The following KIRREL3 variants were observed in gnomAD, a reference collection of about 807,000 sequenced individuals.
The protein encoded by KIRREL3 is kin of IRRE-like protein 3.
KIRREL3 carries 36 observed loss-of-function variants against 89.7 expected under a neutral mutation model. That is an observed-to-expected ratio of 0.40 (90% CI 0.31 to 0.53). The LOEUF (loss-of-function observed/expected upper bound fraction) is 0.53. Among genes scored for constraint, KIRREL3 ranks in the 20% least tolerant of loss-of-function variants. The pLI is 0.49. For missense variants in KIRREL3, 864 were observed against 1,056.6 expected (o/e 0.82, Z 2.53); for synonymous variants, 445 against 441.4 (o/e 1.01, Z -0.10).
chr11:126,536,642 C>CTTTTTTTTTTTTTTTTTTTTTTT (rs145142970), intron 2 of KIRREL3, among the ~76,000 whole-genome samples: 1 of 77,166 alleles, frequency 1.3e-5, no homozygotes, highest in Non-Finnish European at 2.3e-5. Flanking sequence ...CTGGGCAATG[C>CTTTTTTTTTTTTTTTTTTTTTTT]TTTTTTTTTT....
rs1454578716 is a variant in KIRREL3 at position 126,687,663 on chromosome 11, CAA to C, written c.56-124753_56-124752del. Among the ~76,000 whole-genome samples, 1 of 152,198 alleles carries C rather than the reference CAA, an allele frequency of 6.6e-6. No homozygotes were observed. Among genetic ancestry groups the C allele is most frequent in the Non-Finnish European group, 1.5e-5 (1 of 68,032 alleles). ...TATTTTTCCCCATTGCTTCATTCAA[CAA>C]ATTTACATTGCACTCTCCTACATGC... On this transcript the variant is annotated intron_variant, in intron 1 of 16. Coordinates refer to ENST00000525144, the MANE Select transcript of KIRREL3 (RefSeq NM_032531.4). The surrounding 1 kb of genome is among the most constrained non-coding windows in gnomAD (Gnocchi z 4.6).
chr11:126,448,445 C>T (rs559951492), intron 8 of KIRREL3, among the ~76,000 whole-genome samples: 109 of 152,296 alleles, frequency 7.2e-4, no homozygotes, highest in African/African-American at 2.6e-3. Context: ...TCCATCTCCT[C>T]ATTCAGATGA....
At position 126,551,606 on chromosome 11, in the gene KIRREL3, G is replaced by A. The variant is rs746482749; in HGVS notation, c.133+11229C>T. Among the ~76,000 whole-genome samples the A allele has an allele frequency of 1.3e-5, 2 of 151,144 alleles. No individual in the cohort carries two copies. The highest frequency in any genetic ancestry group is 2.4e-5 in the African/African-American group (1 of 41,026). On this transcript the variant is annotated intron_variant, in intron 2 of 16. Coordinates refer to ENST00000525144, the MANE Select transcript of KIRREL3 (RefSeq NM_032531.4). This position sits in a 1 kb window ranked among gnomAD's most constrained non-coding sequence, Gnocchi z 4.9. Reference sequence around the variant, plus strand: ...CATTTAACAATTAGTCCAGTGCACTGTATTGCATGAATGTCTCCCAGGGTG... The same window carrying A: ...CATTTAACAATTAGTCCAGTGCACTATATTGCATGAATGTCTCCCAGGGTG...
Position 126,569,363 on chromosome 11 carries a change from G to T in KIRREL3, c.56-6451C>A, listed in dbSNP as rs1020039740. ...GACCTCAGAGGGTAAACATTTTGTT[G>T]GGGGAAACAGCAGTTGGATCCTGTG... On this transcript the variant is annotated intron_variant, in intron 1 of 16. Coordinates refer to ENST00000525144, the MANE Select transcript of KIRREL3 (RefSeq NM_032531.4). The surrounding 1 kb of genome is among the most constrained non-coding windows in gnomAD (Gnocchi z 6.5). Among the ~76,000 whole-genome samples, 1 of 152,120 alleles carries T rather than the reference G, an allele frequency of 6.6e-6. No individual in the cohort carries two copies. Among genetic ancestry groups the T allele is most frequent in the Non-Finnish European group, 1.5e-5 (1 of 68,020 alleles).
intron 1 of KIRREL3, among the ~76,000 whole-genome samples, chr11:126,794,706 AAC>A (rs538170699): frequency 7.0e-4 from 107 of 152,332 alleles, no homozygotes; most frequent in Admixed American, 2.2e-3. Flanking sequence ...TACAAAACGA[AAC>A]AGAGTCTTAC....
chr11:126,466,329 C>T (rs1019499402), intron 5 of KIRREL3, among the ~76,000 whole-genome samples: 5 of 152,256 alleles, frequency 3.3e-5, no homozygotes, highest in Non-Finnish European at 5.9e-5. Flanking sequence ...CCCTCTCTGT[C>T]CCCGTGGAAG....
At chr11:126,725,655 G>A (rs1346330824) in intron 1 of KIRREL3, among the ~76,000 whole-genome samples, 1 of 152,178 alleles carries the variant, frequency 6.6e-6, no homozygotes, top group Non-Finnish European at 1.5e-5. Flanking sequence ...GGCCTGTCAG[G>A]GTGCACTGCT....
chr11:126,902,111 T>G (rs1040713508), intron 1 of KIRREL3, among the ~76,000 whole-genome samples: 3 of 152,214 alleles, frequency 2.0e-5, no homozygotes. Flanking sequence ...CAACTTTCAG[T>G]TGGAAGGAGC....
Position 126,477,042 on chromosome 11 carries a change from T to C in KIRREL3, c.434-3576A>G, listed in dbSNP as rs1220008644. ...GTCAGGAAAAAAATGGCATTAACTGTTGGGGCACTGAAGCCTGGGGAGGAC... is the reference window on the plus strand; with the variant it reads ...GTCAGGAAAAAAATGGCATTAACTGCTGGGGCACTGAAGCCTGGGGAGGAC... On this transcript the variant is annotated intron_variant, in intron 4 of 16. Coordinates refer to ENST00000525144, the MANE Select transcript of KIRREL3 (RefSeq NM_032531.4). The surrounding 1 kb of genome is among the most constrained non-coding windows in gnomAD (Gnocchi z 4.8). 6.6e-6 allele frequency among the ~76,000 whole-genome samples: 1 copy of C among 152,330 alleles called. No individual in the cohort carries two copies. The highest frequency in any genetic ancestry group is 1.9e-4 in the East Asian group (1 of 5,184).
Position 126,909,533 on chromosome 11 carries a change from C to T in KIRREL3, c.55+90922G>A, listed in dbSNP as rs75302101. 0.025 allele frequency among the ~76,000 whole-genome samples: 3,731 copies of T among 152,238 alleles called. 95 individuals carry two copies. The highest frequency in any genetic ancestry group is 0.08 in the Admixed American group (1,224 of 15,304). ...GAGAGTGCTCTGAGTTGAGATACAC[C>T]GCCCACAATACACCCCGTGGGTAAT... On this transcript the variant is annotated intron_variant, in intron 1 of 16. Transcript: ENST00000525144. This position sits in a 1 kb window ranked among gnomAD's most constrained non-coding sequence, Gnocchi z 4.5.
At chr11:126,650,183 C>T (rs1310426248) in intron 1 of KIRREL3, among the ~76,000 whole-genome samples, 1 of 152,234 alleles carries the variant, frequency 6.6e-6, no homozygotes, top group East Asian at 1.9e-4. Flanking sequence ...ACCATTTTCT[C>T]CTAGGCCTAT....
In KIRREL3 at chr11:126,535,851, G is replaced by A; in HGVS notation, c.134-9164C>T. 6.6e-6 allele frequency among the ~76,000 whole-genome samples: 1 copy of A among 152,204 alleles called. No homozygotes were observed. Among genetic ancestry groups the A allele is most frequent in the East Asian group, 1.9e-4 (1 of 5,188 alleles). On this transcript the variant is annotated intron_variant, in intron 2 of 16. Coordinates refer to ENST00000525144, the MANE Select transcript of KIRREL3 (RefSeq NM_032531.4). This position sits in a 1 kb window ranked among gnomAD's most constrained non-coding sequence, Gnocchi z 4.5. Reference sequence around the variant, plus strand: ...AATACAAAAATTAGCGGGACATGGTGGTGCGTGCCTGTAATCCCAGCTACT... The same window carrying A: ...AATACAAAAATTAGCGGGACATGGTAGTGCGTGCCTGTAATCCCAGCTACT...
chr11:126,962,526 G>A (rs540930559), intron 1 of KIRREL3, among the ~76,000 whole-genome samples: 3 of 152,328 alleles, frequency 2.0e-5, no homozygotes, highest in South Asian at 2.1e-4. Flanking sequence ...ATGGATGAGC[G>A]AAGAAAGTGG....
At chr11:126,536,053 A>T (rs1591697016) in intron 2 of KIRREL3, among the ~76,000 whole-genome samples, 1 of 152,052 alleles carries the variant, frequency 6.6e-6, no homozygotes, top group Admixed American at 6.5e-5. Context: ...CGGAGGTTGC[A>T]GTGAGCCAAG....
intron 1 of KIRREL3, among the ~76,000 whole-genome samples, chr11:126,613,283 CG>C (rs199692288): frequency 0.012 from 1,856 of 152,242 alleles, 30 homozygotes; most frequent in African/African-American, 0.042. Flanking sequence ...CAGGCTCGCA[CG>C]CAGCAGTGTT....
Position 126,779,307 on chromosome 11 carries a change from T to C in KIRREL3, c.56-216395A>G, listed in dbSNP as rs182150733. ...CAGCTCACCCAGGTCCCAGCCATGC[T>C]CTCCCAGTGGGCCACCCAGTAAGAT... On this transcript the variant is annotated intron_variant, in intron 1 of 16. Transcript: ENST00000525144. Among the ~76,000 whole-genome samples the C allele has an allele frequency of 2.0e-3, 298 of 152,188 alleles. 1 individual carries two copies. The highest frequency in any genetic ancestry group is 2.6e-3 in the Non-Finnish European group (180 of 68,004).
chr11:126,882,436 C>A (rs1843309253), intron 1 of KIRREL3, among the ~76,000 whole-genome samples: 3 of 152,162 alleles, frequency 2.0e-5, no homozygotes, highest in Non-Finnish European at 4.4e-5. Flanking sequence ...ATCATCCCTA[C>A]CTATTTGCAT....
Position 126,987,917 on chromosome 11 carries a change from C to T in KIRREL3, c.55+12538G>A, listed in dbSNP as rs987348167. 6.6e-5 allele frequency among the ~76,000 whole-genome samples: 10 copies of T among 152,250 alleles called. No individual in the cohort carries two copies. The highest frequency in any genetic ancestry group is 3.4e-3 in the Middle Eastern group (1 of 294). ...CTGACACAAGGTAAGTTGTACCAGC[C>T]GAGACCAAAGTGAAAAGAATCATAG... On this transcript the variant is annotated intron_variant, in intron 1 of 16. Coordinates refer to ENST00000525144, the MANE Select transcript of KIRREL3 (RefSeq NM_032531.4). The surrounding 1 kb of genome is among the most constrained non-coding windows in gnomAD (Gnocchi z 4.6).
intron 1 of KIRREL3, among the ~76,000 whole-genome samples, chr11:126,718,041 C>T (rs746093709): frequency 1.1e-4 from 16 of 152,314 alleles, no homozygotes; most frequent in Non-Finnish European, 2.2e-4. Flanking sequence ...TCCCTTGCCT[C>T]ATGACAAGAG....
Sources: allele counts gnomAD v4.1 joint callset (sites outside exome capture counted in the v4.1 genomes callset), GRCh38; gene constraint gnomAD v4.1.1; non-coding constraint Gnocchi (gnomAD v3.1); transcripts MANE v1.5; gene names NCBI Gene and HGNC (gene_info 2026-07-23, HGNC 2026-07-21).